ARL13B: variants seen among roughly 807,000 people sequenced by gnomAD.
The protein encoded by ARL13B is ADP-ribosylation factor-like protein 13B.
In ARL13B, 36 loss-of-function variants were observed where a neutral mutation model predicts 56.1. The observed-to-expected ratio is 0.64, with a 90% confidence interval of 0.49 to 0.85. The LOEUF is 0.85. Ranked by LOEUF, ARL13B falls within the 40% of genes least tolerant of loss-of-function variation. ARL13B has a pLI of 0.00. For missense variants in ARL13B, 519 were observed against 507.1 expected (o/e 1.02, Z -0.23); for synonymous variants, 178 against 171.1 (o/e 1.04, Z -0.32).
intron 5 of ARL13B, among the ~76,000 whole-genome samples, chr3:94,036,965 T>C (rs1050731503): frequency 6.6e-6 from 1 of 152,210 alleles, no homozygotes; most frequent in Non-Finnish European, 1.5e-5. Context: ...TTAAATTTAC[T>C]CCTTACGTAG....
chr3:94,017,414 A>G (rs1445806225), intron 3 of ARL13B, among the ~76,000 whole-genome samples: 1 of 152,214 alleles, frequency 6.6e-6, no homozygotes, highest in Non-Finnish European at 1.5e-5. Flanking sequence ...TGAGTTTGCC[A>G]TCACTGGACA....
chr3:94,025,866 A>G (rs962086796), intron 3 of ARL13B, among the ~76,000 whole-genome samples: 24 of 152,110 alleles, frequency 1.6e-4, no homozygotes, highest in African/African-American at 5.8e-4. Context: ...TAACTGTTTC[A>G]TCTAGGAAAC....
chr3:94,044,583 G>A (rs1391063678), intron 7 of ARL13B, among the ~76,000 whole-genome samples: 8 of 146,386 alleles, frequency 5.5e-5, no homozygotes, highest in Admixed American at 4.8e-4. Context: ...ACCGCATCTG[G>A]GAGGTGAGGA....
chr3:94,014,222 A>C, intron 3 of ARL13B: 1 of 484,152 alleles, frequency 2.1e-6, no homozygotes, highest in Non-Finnish European at 3.4e-6. Context: ...TGGCTACAGA[A>C]GTTTCTGAAA....
chr3:93,989,823 C>T (rs1329156431), intron 1 of ARL13B, among the ~76,000 whole-genome samples: 1 of 152,114 alleles, frequency 6.6e-6, no homozygotes, highest in Non-Finnish European at 1.5e-5. Context: ...TTACTTATTA[C>T]TAGTATAACA....
chr3:93,984,187 C>T (rs1170436673), intron 1 of ARL13B, among the ~76,000 whole-genome samples: 1 of 152,090 alleles, frequency 6.6e-6, no homozygotes, highest in Non-Finnish European at 1.5e-5. Context: ...GAAACCCTGT[C>T]TCTACTAAAA....
chr3:94,025,631 G>A (rs1422108665), intron 3 of ARL13B, among the ~76,000 whole-genome samples: 3 of 152,174 alleles, frequency 2.0e-5, no homozygotes, highest in Non-Finnish European at 4.4e-5. Flanking sequence ...AGAATGCTCT[G>A]AGTGTCCTGA....
chr3:94,021,957 A>G (rs904023796), intron 3 of ARL13B, among the ~76,000 whole-genome samples: 6 of 151,950 alleles, frequency 3.9e-5, no homozygotes, highest in Non-Finnish European at 7.4e-5. Context: ...GCTTCTAAAG[A>G]TATATATCTG....
chr3:94,010,151 G>A (rs2076200571), intron 3 of ARL13B, among the ~76,000 whole-genome samples: 1 of 152,106 alleles, frequency 6.6e-6, no homozygotes, highest in Non-Finnish European at 1.5e-5. Context: ...TGTTAAGTCA[G>A]AAAGGCCCTA....
chr3:94,020,929 C>A (rs1017175739), intron 3 of ARL13B, among the ~76,000 whole-genome samples: 69 of 152,140 alleles, frequency 4.5e-4, no homozygotes, highest in African/African-American at 1.5e-3. Flanking sequence ...ATTCCATACG[C>A]CTCTTCCTCT....
At chr3:94,014,670 TGTAA>T (rs1263625986) in intron 3 of ARL13B, 5 of 1,613,654 alleles carry the variant, frequency 3.1e-6, no homozygotes, top group Non-Finnish European at 4.2e-6. Context: ...TATTGATTTC[TGTAA>T]GTAAGCTTTC....
intron 3 of ARL13B, among the ~76,000 whole-genome samples, chr3:94,026,468 T>C (rs1253295532): frequency 6.6e-6 from 1 of 152,190 alleles, no homozygotes; most frequent in Non-Finnish European, 1.5e-5. Flanking sequence ...TACTCAAATA[T>C]GTTTATATGC....
intron 4 of ARL13B, 58 bp from the exon 5 acceptor site, chr3:94,036,492 TTA>T (rs1257526426): frequency 6.5e-7 from 1 of 1,544,874 alleles, no homozygotes; most frequent in East Asian, 2.2e-5. Flanking sequence ...ACTTAATGGT[TTA>T]TGAATAGATT....
chr3:94,046,923 G>A lies in ARL13B; in HGVS notation c.1025-2483G>A, dbSNP rs538360164. Among the ~76,000 whole-genome samples, 6 of 151,904 alleles carry A rather than the reference G, an allele frequency of 3.9e-5. No individual in the cohort carries two copies. The South Asian group carries it at 1.3e-3, about 32-fold the overall frequency. On this transcript the variant is annotated intron_variant, in intron 7 of 9. Transcript: ENST00000394222. ...ATGTTCATGATTTTTGGTATCGTAGGGATATAGCCTGCATTTGGAATCACA... is the reference window on the plus strand; with the variant it reads ...ATGTTCATGATTTTTGGTATCGTAGAGATATAGCCTGCATTTGGAATCACA...
chr3:94,000,753 G>T (rs1427817868), intron 2 of ARL13B, among the ~76,000 whole-genome samples: 2 of 151,914 alleles, frequency 1.3e-5, no homozygotes, highest in Admixed American at 1.3e-4. Flanking sequence ...TATAAGAAAT[G>T]CTCAAAAATT....
intron 1 of ARL13B, among the ~76,000 whole-genome samples, chr3:93,994,887 C>T (rs1216506855): frequency 6.6e-6 from 1 of 151,998 alleles, no homozygotes; most frequent in African/African-American, 2.4e-5. Flanking sequence ...CCTTTACGGC[C>T]ATTTAAATTC....
At chr3:94,018,423 G>GT (rs1021766382) in intron 3 of ARL13B, among the ~76,000 whole-genome samples, 4 of 151,812 alleles carry the variant, frequency 2.6e-5, no homozygotes, top group Admixed American at 6.6e-5. Flanking sequence ...TATTTCTCCT[G>GT]TTTTTTTTCT....
chr3:94,008,653 G>A (rs527961605), intron 3 of ARL13B, among the ~76,000 whole-genome samples: 1 of 152,020 alleles, frequency 6.6e-6, no homozygotes, highest in East Asian at 1.9e-4. Flanking sequence ...ACCCCCTCTC[G>A]CTAGTACCCG....
At chr3:93,990,598 A>G (rs1364243803) in intron 1 of ARL13B, among the ~76,000 whole-genome samples, 1 of 152,182 alleles carries the variant, frequency 6.6e-6, no homozygotes, top group Non-Finnish European at 1.5e-5. Flanking sequence ...TAAAAAGTTT[A>G]GGATTTTGGA....
Sources: allele counts gnomAD v4.1 joint callset (sites outside exome capture counted in the v4.1 genomes callset), GRCh38; gene constraint gnomAD v4.1.1; transcripts MANE v1.5; gene names NCBI Gene and HGNC (gene_info 2026-07-23, HGNC 2026-07-21).